Variants in SFI1 observed in about 807,000 individuals in gnomAD.
SFI1 encodes protein SFI1 homolog.
SFI1 carries 195 observed loss-of-function variants against 207.5 expected under a neutral mutation model. The ratio of observed to expected loss-of-function variants is 0.94; its 90% CI spans 0.84 to 1.06. The LOEUF (loss-of-function observed/expected upper bound fraction) is 1.06, where lower values mean the gene tolerates loss of function less well. SFI1 is among the 50% of genes least tolerant of loss of function. The probability of loss-of-function intolerance (pLI) is 0.00; values close to 1 mark genes in which losing one functional copy is unlikely to be tolerated. For synonymous variants in SFI1, 630 were observed against 598.9 expected (o/e 1.05, Z -0.76); for missense variants, 1,634 against 1,588.0 (o/e 1.03, Z -0.49).
At chr22:31,496,897 C>T (rs2052748131) in intron 1 of SFI1, among the ~76,000 whole-genome samples, 1 of 152,212 alleles carries the variant, frequency 6.6e-6, no homozygotes, top group Non-Finnish European at 1.5e-5. Flanking sequence ...TCTTGTCTTC[C>T]GCCCTGGGGG....
At chr22:31,562,504 G>T (rs2061816790) in intron 8 of SFI1, among the ~76,000 whole-genome samples, 1 of 151,562 alleles carries the variant, frequency 6.6e-6, no homozygotes, top group Non-Finnish European at 1.5e-5. Context: ...TAGACTAAGT[G>T]CTTTACGTGC....
intron 2 of SFI1, among the ~76,000 whole-genome samples, chr22:31,526,479 T>C (rs2057923768): frequency 6.6e-6 from 1 of 152,050 alleles, no homozygotes; most frequent in Admixed American, 6.6e-5. Context: ...TTCCATGAGG[T>C]CCCTCCCATG....
At chr22:31,616,522 C>G in intron 29 of SFI1, 2 of 458,120 alleles carry the variant, frequency 4.4e-6, no homozygotes, top group South Asian at 9.9e-5. Context: ...CGGGGTGCTC[C>G]CTGGTTGCTT....
intron 15 of SFI1, among the ~76,000 whole-genome samples, chr22:31,599,543 G>A (rs1185095003): frequency 1.3e-5 from 2 of 152,134 alleles, no homozygotes; most frequent in Admixed American, 1.3e-4. Flanking sequence ...GGTTGGCCAG[G>A]ATGGTCTCCA....
intron 2 of SFI1, among the ~76,000 whole-genome samples, chr22:31,513,028 C>G (rs903878557): frequency 2.0e-5 from 3 of 152,028 alleles, no homozygotes; most frequent in Non-Finnish European, 4.4e-5. Flanking sequence ...ACCATGTTGG[C>G]CAGGCTGGTC....
In SFI1 at chr22:31,549,665, C is replaced by T. The variant is rs189343134; in HGVS notation, c.450-589C>T. Among the ~76,000 whole-genome samples, 7 of 152,076 alleles carry T rather than the reference C, an allele frequency of 4.6e-5. No individual in the cohort carries two copies. The East Asian group carries it at 1.4e-3, about 29-fold the overall frequency. ...CAGGCGTGAGCTACTGTGCCTGGCCCAAACATCATGAATTTGTGGATGATG... is the reference window on the plus strand; with the variant it reads ...CAGGCGTGAGCTACTGTGCCTGGCCTAAACATCATGAATTTGTGGATGATG... On this transcript the variant is annotated intron_variant, in intron 5 of 32. Transcript: ENST00000400288.
chr22:31,555,173 T>C (rs559989714), intron 6 of SFI1, among the ~76,000 whole-genome samples: 2 of 152,294 alleles, frequency 1.3e-5, no homozygotes, highest in African/African-American at 4.8e-5. Context: ...CTAGATATTA[T>C]GGAATAGAAG....
chr22:31,537,774 A>C (rs2059127396), intron 4 of SFI1, among the ~76,000 whole-genome samples: 1 of 152,172 alleles, frequency 6.6e-6, no homozygotes, highest in South Asian at 2.1e-4. Flanking sequence ...ATCAATATCA[A>C]ATATCAATCT....
intron 6 of SFI1, among the ~76,000 whole-genome samples, chr22:31,553,867 T>TTTTC (rs1293077499): frequency 5.2e-5 from 6 of 116,144 alleles, no homozygotes; most frequent in East Asian, 3.1e-4. Context: ...TTTTTTTTTT[T>TTTTC]TGCGAGAGTC....
At chr22:31,606,472 G>A (rs1175845051) in intron 21 of SFI1, 42 bp downstream of exon 21, 1 of 1,550,914 alleles carries the variant, frequency 6.4e-7, no homozygotes, top group Admixed American at 1.7e-5. Flanking sequence ...GGAGAGTTGG[G>A]ACTGTGTTCT....
chr22:31,550,974 C>T (rs1483239421), intron 6 of SFI1, among the ~76,000 whole-genome samples: 1 of 152,158 alleles, frequency 6.6e-6, no homozygotes. Context: ...ACTCTTCTGT[C>T]TAGGAAGACT....
rs2069001955 is a variant in SFI1, at chr22:31,606,520, T to G, written c.2157+90T>G. 8.0e-6 allele frequency: 8 copies of G among 999,458 alleles called. No individual in the cohort carries two copies. The South Asian group carries it at 1.1e-4, about 14-fold the overall frequency. 61.9% of individuals were successfully genotyped at this position (999,458 alleles called of 1,614,324 possible). On this transcript the variant is annotated intron_variant, in intron 21 of 32. Coordinates refer to ENST00000400288, the MANE Select transcript of SFI1 (RefSeq NM_001007467.3). ...GGATGTAGGGGGTGGTGCCAGAGAT[T>G]TGAACTGAATAAGGAACCTAGAAAA... is the stretch of plus-strand genomic sequence containing the variant.
At chr22:31,529,354 G>A (rs531937870) in intron 3 of SFI1, among the ~76,000 whole-genome samples, 3 of 151,938 alleles carry the variant, frequency 2.0e-5, no homozygotes, top group South Asian at 2.1e-4. Context: ...TTGAGACCCC[G>A]TCTCCACTAA....
intron 12 of SFI1, among the ~76,000 whole-genome samples, chr22:31,582,267 T>TTTTTTTTTG (rs56150362): frequency 8.9e-6 from 1 of 111,806 alleles, no homozygotes; most frequent in African/African-American, 3.5e-5. Context: ...TTTTTTTTTT[T>TTTTTTTTTG]GAAACCGGGT....
chr22:31,576,935 G>T (rs1484621642), intron 10 of SFI1, among the ~76,000 whole-genome samples: 1 of 152,132 alleles, frequency 6.6e-6, no homozygotes, highest in African/African-American at 2.4e-5. Flanking sequence ...CTGAGCCACC[G>T]CACCCAGCCA....
rs3069094 is a variant in SFI1, at chr22:31,530,489, C to CAAAAAAAAAAAAAAAAAAAA, written c.267-564_267-545dup. On this transcript the variant is annotated intron_variant, in intron 3 of 32. Transcript: ENST00000400288. ...TGGGCGACAGAGCAAAACTCTGTCTCAAAAAAAAAAAAAAAAAAAAAAAAG... is the reference window on the plus strand; with the variant it reads ...TGGGCGACAGAGCAAAACTCTGTCTCAAAAAAAAAAAAAAAAAAAAAAAAAAAAAAAAAAAAAAAAAAAAG... The CAAAAAAAAAAAAAAAAAAAA allele has an allele frequency of 4.4e-5, 5 of 114,018 alleles. 2 individuals are homozygous for CAAAAAAAAAAAAAAAAAAAA. Among genetic ancestry groups the CAAAAAAAAAAAAAAAAAAAA allele is most frequent in the Non-Finnish European group, 6.3e-5 (4 of 63,044 alleles). 7.1% of individuals were successfully genotyped at this position (114,018 alleles called of 1,614,324 possible).
chr22:31,618,279 C>T (rs757912380), intron 32 of SFI1, 35 bp from the exon 33 acceptor site: 2 of 1,603,628 alleles, frequency 1.2e-6, no homozygotes, highest in Non-Finnish European at 1.7e-6. Context: ...GGGCTGTGCT[C>T]CCTCTCAGCC....
rs546668630 is a variant in SFI1, at chr22:31,580,983, T to C, written c.1248+619T>C. 2.0e-5 allele frequency among the ~76,000 whole-genome samples: 3 copies of C among 152,264 alleles called. No individual in the cohort carries two copies. The South Asian group carries it at 6.2e-4, about 31-fold the overall frequency. ...TGGATTTTAAACCTGACCTAGGGGA[T>C]ATAGTGATACAAATACTTTCTTTTT... is the stretch of plus-strand genomic sequence containing the variant. On this transcript the variant is annotated intron_variant, in intron 12 of 32. Transcript: ENST00000400288.
At chr22:31,596,519 G>A (rs902974251) in intron 15 of SFI1, among the ~76,000 whole-genome samples, 3 of 151,896 alleles carry the variant, frequency 2.0e-5, no homozygotes, top group Non-Finnish European at 4.4e-5. Flanking sequence ...GGCTGGACGC[G>A]GTGGCTCACA....
Sources: allele counts gnomAD v4.1 joint callset (sites outside exome capture counted in the v4.1 genomes callset), GRCh38; gene constraint gnomAD v4.1.1; transcripts MANE v1.5; gene names NCBI Gene and HGNC (gene_info 2026-07-23, HGNC 2026-07-21).